Variants in CRMP1 observed in about 807,000 individuals in gnomAD.
CRMP1 encodes the protein collapsin response mediator protein 1.
Under a neutral mutation model 68.3 loss-of-function variants are expected in CRMP1, and 19 were observed. That is an observed-to-expected ratio of 0.28 (90% CI 0.19 to 0.41). The LOEUF (loss-of-function observed/expected upper bound fraction) is 0.41. CRMP1 is among the 10% of genes least tolerant of loss of function. CRMP1 has a pLI of 1.00. For missense variants in CRMP1, 791 were observed against 967.4 expected (o/e 0.82, Z 2.42); for synonymous variants, 439 against 399.6 (o/e 1.10, Z -1.18).
intron 1 of CRMP1, among the ~76,000 whole-genome samples, chr4:5,882,549 AT>A (rs1262799588): frequency 1.3e-5 from 2 of 152,262 alleles, no homozygotes; most frequent in East Asian, 3.8e-4. Flanking sequence ...ATATTAAGTC[AT>A]TTAATTCTAT....
intron 1 of CRMP1, among the ~76,000 whole-genome samples, chr4:5,873,638 C>T (rs919172263): frequency 1.4e-4 from 22 of 152,128 alleles, no homozygotes; most frequent in Non-Finnish European, 5.9e-5. Flanking sequence ...GGGGGAAATC[C>T]GCCCCAGTGA....
Position 5,858,859 on chromosome 4 carries a change from T to C in CRMP1, c.655+2167A>G, listed in dbSNP as rs77527485. On this transcript the variant is annotated intron_variant, in intron 3 of 13. Coordinates refer to ENST00000324989, the MANE Select transcript of CRMP1 (RefSeq NM_001014809.3). This position sits in a 1 kb window ranked among gnomAD's most constrained non-coding sequence, Gnocchi z 5.5. ...CCCTGCACCGTGGGCCTCCCTGCAG[T>C]CTCTGGAATGGGAGGTGTGTTCTCA... 0.026 allele frequency among the ~76,000 whole-genome samples: 3,939 copies of C among 152,178 alleles called. 152 individuals are homozygous for C. Among genetic ancestry groups the C allele is most frequent in the African/African-American group, 0.084 (3,471 of 41,498 alleles).
chr4:5,828,058 G>C (rs1719963493), intron 12 of CRMP1: 10 of 985,318 alleles, frequency 1.0e-5, no homozygotes, highest in Non-Finnish European at 1.2e-5. Context: ...AAGATGCCAG[G>C]GGTAACACCT....
chr4:5,833,159 C>CTTTTTTTTTT (rs1160531301), intron 11 of CRMP1, among the ~76,000 whole-genome samples: 2 of 84,636 alleles, frequency 2.4e-5, no homozygotes, highest in Non-Finnish European at 2.1e-5. Context: ...CCTTCCAGAA[C>CTTTTTTTTTT]TTTTTTTTTT....
intron 1 of CRMP1, among the ~76,000 whole-genome samples, chr4:5,878,199 C>T (rs573729840): frequency 6.6e-6 from 1 of 151,328 alleles, no homozygotes; most frequent in East Asian, 2.0e-4. Context: ...GGATTTGAAC[C>T]GAATTCCACC....
chr4:5,863,409 A>G (rs897876021), intron 2 of CRMP1, among the ~76,000 whole-genome samples: 5 of 152,182 alleles, frequency 3.3e-5, no homozygotes, highest in African/African-American at 9.6e-5. Context: ...AGGTCTCCCC[A>G]AGCCTAATAT....
intron 11 of CRMP1, among the ~76,000 whole-genome samples, chr4:5,831,847 A>G (rs1393391026): frequency 6.6e-6 from 1 of 152,220 alleles, no homozygotes; most frequent in Non-Finnish European, 1.5e-5. Context: ...ACCATGATGA[A>G]AAAACCTCTT....
At chr4:5,851,860 A>G (rs1712663665) in intron 4 of CRMP1, among the ~76,000 whole-genome samples, 3 of 147,984 alleles carry the variant, frequency 2.0e-5, no homozygotes, top group African/African-American at 5.0e-5. Flanking sequence ...GAGGAAGAGG[A>G]GCAGGAGGAG....
At chr4:5,828,785 C>A (rs1338915897) in intron 11 of CRMP1, 117 bp from the exon 12 acceptor site, 6 of 1,236,176 alleles carry the variant, frequency 4.9e-6, no homozygotes, top group Non-Finnish European at 5.5e-6. Flanking sequence ...TTTTTTTTCT[C>A]TCTAAAAATA....
intron 12 of CRMP1, among the ~76,000 whole-genome samples, chr4:5,827,403 G>T (rs1403611670): frequency 1.3e-5 from 2 of 152,086 alleles, no homozygotes; most frequent in African/African-American, 4.8e-5. Context: ...TGTGCGACTT[G>T]GTGTCTTTGA....
At chr4:5,847,067 C>A (rs1173227294) in intron 6 of CRMP1, among the ~76,000 whole-genome samples, 2 of 152,170 alleles carry the variant, frequency 1.3e-5, no homozygotes, top group African/African-American at 2.4e-5. Context: ...TATTCTCAGG[C>A]TTTGAAACCC....
At position 5,861,372 on chromosome 4, in the gene CRMP1, G is replaced by A. The variant is rs999142127; in HGVS notation, c.471-162C>T. 4.6e-5 allele frequency among the ~76,000 whole-genome samples: 7 copies of A among 152,224 alleles called. No individual in the cohort carries two copies. Among genetic ancestry groups the A allele is most frequent in the African/African-American group, 1.7e-4 (7 of 41,456 alleles). On this transcript the variant is annotated intron_variant, in intron 2 of 13. Transcript: ENST00000324989. This position sits in a 1 kb window ranked among gnomAD's most constrained non-coding sequence, Gnocchi z 6.0. Reference sequence around the variant, plus strand: ...CAGGCAGGGCACATGCCCTCAAGGGGCTCATAGTCTAATAGGACGTAAGAC... The same window carrying A: ...CAGGCAGGGCACATGCCCTCAAGGGACTCATAGTCTAATAGGACGTAAGAC...
rs562782615 is a variant in CRMP1, at chr4:5,843,283, C to G, written c.964-122G>C. On this transcript the variant is annotated intron_variant, in intron 6 of 13. Transcript: ENST00000324989. The surrounding 1 kb of genome is among the most constrained non-coding windows in gnomAD (Gnocchi z 4.1). ...GTCCCAAAGAGGCGAGTGGCTTGCA[C>G]TAGGTTAACAGTGTGCGGGGTGGGG... The G allele has an allele frequency of 1.1e-6, 1 of 898,936 alleles. No homozygotes were observed. Among genetic ancestry groups the G allele is most frequent in the East Asian group, 2.5e-5 (1 of 39,464 alleles). 55.7% of individuals were successfully genotyped at this position (898,936 alleles called of 1,614,324 possible).
chr4:5,849,613 A>G, intron 5 of CRMP1, 141 bp from the exon 6 acceptor site: 1 of 610,720 alleles, frequency 1.6e-6, no homozygotes, highest in Non-Finnish European at 2.9e-6. Flanking sequence ...TGTGGATGGA[A>G]TACGCTGCTA....
At chr4:5,824,549 C>G (rs962846937) in intron 13 of CRMP1, 82 of 982,936 alleles carry the variant, frequency 8.3e-5, no homozygotes, top group Non-Finnish European at 9.4e-5. Flanking sequence ...CTTTCCTGAC[C>G]AGGAATTAGC....
intron 13 of CRMP1, chr4:5,824,680 AT>A: frequency 1.0e-6 from 1 of 975,124 alleles, no homozygotes; most frequent in Non-Finnish European, 1.2e-6. Context: ...GACATCCTAG[AT>A]GTTGCCTCTT....
intron 13 of CRMP1, chr4:5,824,648 T>TG: frequency 1.1e-6 from 1 of 943,448 alleles, no homozygotes; most frequent in Non-Finnish European, 1.3e-6. Flanking sequence ...AAATGGCTAT[T>TG]GAATATAACA....
At chr4:5,884,406 C>T (rs2152475728) in intron 1 of CRMP1, among the ~76,000 whole-genome samples, 1 of 152,070 alleles carries the variant, frequency 6.6e-6, no homozygotes. Flanking sequence ...CACACCCACA[C>T]ACAAACACAT....
intron 11 of CRMP1, among the ~76,000 whole-genome samples, chr4:5,831,761 C>T (rs929719494): frequency 2.0e-5 from 3 of 152,214 alleles, no homozygotes; most frequent in African/African-American, 7.2e-5. Context: ...CACAAGAACA[C>T]TGAATTGTAA....
Sources: gnomAD v4.1 joint callset for allele counts (sites outside exome capture counted in the v4.1 genomes callset) on GRCh38, gnomAD v4.1.1 for gene constraint, Gnocchi (gnomAD v3.1) non-coding constraint, MANE v1.5 for transcripts, NCBI Gene and HGNC (gene_info 2026-07-23, HGNC 2026-07-21) for gene names.